Variants in VPS13B observed in about 807,000 individuals in gnomAD.
VPS13B encodes the protein intermembrane lipid transfer protein VPS13B.
A neutral mutation model predicts 426.4 loss-of-function variants in VPS13B; 285 were observed. The ratio of observed to expected loss-of-function variants is 0.67; its 90% confidence interval spans 0.61 to 0.74. The LOEUF is 0.74. VPS13B is among the 30% of genes least tolerant of loss of function. The pLI is 0.00. For synonymous variants in VPS13B, 1,676 were observed against 1,676.4 expected (o/e 1.00, Z 0.01); for missense variants, 4,537 against 4,782.6 (o/e 0.95, Z 1.51).
At chr8:99,224,722 G>A (rs73285938) in intron 17 of VPS13B, among the ~76,000 whole-genome samples, 2,547 of 152,028 alleles carry the variant, frequency 0.017, 65 homozygotes, top group African/African-American at 0.058. Flanking sequence ...TCATGTCTTC[G>A]TATATACATT....
At chr8:99,264,926 A>AT (rs1362718684) in intron 17 of VPS13B, among the ~76,000 whole-genome samples, 4 of 150,194 alleles carry the variant, frequency 2.7e-5, no homozygotes, top group Admixed American at 6.6e-5. Context: ...TTCTCTTTGG[A>AT]TTTTTTGGTT....
chr8:99,090,118 G>A (rs1389885381), intron 3 of VPS13B, among the ~76,000 whole-genome samples: 2 of 151,882 alleles, frequency 1.3e-5, no homozygotes, highest in Non-Finnish European at 2.9e-5. Flanking sequence ...TGAGCGGAGG[G>A]GTCCATTCAG....
intron 3 of VPS13B, chr8:99,093,903 G>C (rs544783151): frequency 6.6e-6 from 1 of 152,026 alleles, no homozygotes; most frequent in African/African-American, 2.4e-5. Flanking sequence ...GGAAGAAGTC[G>C]AATCTCTGAA....
Position 99,875,429 on chromosome 8 carries a change from C to T in VPS13B, c.11757C>T (p.Val3919=), listed in dbSNP as rs757616720. ...TTTTTGGATCCTAGGTAGATGGAGT[C>T]CGAGAGAGACTGTCAGAGCAACAGT... ...RVACDVEVDG[V]RERLSEQQYN... The change falls in exon 62 of 62, where the codon GTC becomes GTT. Residue 3919 remains valine, a synonymous_variant. Transcript: ENST00000357162. The T allele has an allele frequency of 9.3e-6, 15 of 1,614,084 alleles. No individual in the cohort carries two copies. The South Asian group carries it at 1.4e-4, about 15-fold the overall frequency.
At chr8:99,597,765 C>G (rs1054741440) in intron 33 of VPS13B, among the ~76,000 whole-genome samples, 5 of 151,950 alleles carry the variant, frequency 3.3e-5, no homozygotes, top group Non-Finnish European at 5.9e-5. Context: ...CAAAATAAAC[C>G]TAAACAGTTA....
Position 99,491,681 on chromosome 8 carries a change from G to A in VPS13B, c.3870+9879G>A, listed in dbSNP as rs146859120. 8.3e-4 allele frequency among the ~76,000 whole-genome samples: 126 copies of A among 152,184 alleles called. 2 individuals carry two copies. Among genetic ancestry groups the A allele is most frequent in the African/African-American group, 2.7e-3 (112 of 41,520 alleles). On this transcript the variant is annotated intron_variant, in intron 25 of 61. Transcript: ENST00000357162. Reference sequence around the variant, plus strand: ...CTATTGAAGCTTGTGCATGCATCACGTAGTTCTCGTGCTGTGGTTTTCAGC... The same window carrying A: ...CTATTGAAGCTTGTGCATGCATCACATAGTTCTCGTGCTGTGGTTTTCAGC...
intron 34 of VPS13B, among the ~76,000 whole-genome samples, chr8:99,648,798 C>T (rs1292372549): frequency 6.6e-6 from 1 of 152,008 alleles, no homozygotes; most frequent in Non-Finnish European, 1.5e-5. Context: ...TTTTGTATTC[C>T]CAGCCATTTA....
chr8:99,589,474 C>G lies in VPS13B; in HGVS notation c.5220+11841C>G, dbSNP rs1021604006. Among the ~76,000 whole-genome samples the G allele has an allele frequency of 4.0e-5, 6 of 151,518 alleles. 1 individual carries two copies. The highest frequency in any genetic ancestry group is 5.9e-5 in the Non-Finnish European group (4 of 67,984). ...TGCGGTGTTTGGTTTTTTGTCCTTG[C>G]GATAGTTTTCTGAGAATGATGGTTT... On this transcript the variant is annotated intron_variant, in intron 33 of 61. Coordinates refer to ENST00000357162, the MANE Select transcript of VPS13B (RefSeq NM_152564.5).
chr8:99,085,320 A>G (rs992113656), intron 3 of VPS13B, among the ~76,000 whole-genome samples: 5 of 151,996 alleles, frequency 3.3e-5, no homozygotes, highest in Admixed American at 6.6e-5. Flanking sequence ...ATCTTCCTCC[A>G]TCCCTTTATT....
At chr8:99,218,309 TAGA>T (rs1815497905) in intron 17 of VPS13B, among the ~76,000 whole-genome samples, 1 of 152,236 alleles carries the variant, frequency 6.6e-6, no homozygotes, top group Non-Finnish European at 1.5e-5. Flanking sequence ...TGGCCCTTTA[TAGA>T]AGAAGTTTGC....
intron 3 of VPS13B, among the ~76,000 whole-genome samples, chr8:99,065,136 A>G (rs1035819105): frequency 1.3e-5 from 2 of 152,216 alleles, no homozygotes; most frequent in South Asian, 2.1e-4. Context: ...AACAACCGGT[A>G]CCAGCCACTG....
At chr8:99,795,687 C>T (rs1812770407) in intron 43 of VPS13B, among the ~76,000 whole-genome samples, 1 of 152,176 alleles carries the variant, frequency 6.6e-6, no homozygotes, top group African/African-American at 2.4e-5. Context: ...GAGCTGCACT[C>T]CTCTGAAGGC....
At chr8:99,350,639 A>G (rs943956463) in intron 19 of VPS13B, among the ~76,000 whole-genome samples, 2 of 152,218 alleles carry the variant, frequency 1.3e-5, no homozygotes, top group Non-Finnish European at 2.9e-5. Flanking sequence ...AATGAAAAAT[A>G]ATATAGCCAA....
intron 19 of VPS13B, among the ~76,000 whole-genome samples, chr8:99,310,328 A>G (rs537779620): frequency 3.4e-4 from 52 of 152,292 alleles, no homozygotes; most frequent in African/African-American, 1.3e-3. Flanking sequence ...TTTGTCATAA[A>G]TAGCTGTTAT....
At chr8:99,648,255 T>TCAC (rs1829672792) in intron 34 of VPS13B, among the ~76,000 whole-genome samples, 1 of 152,182 alleles carries the variant, frequency 6.6e-6, no homozygotes, top group Non-Finnish European at 1.5e-5. Flanking sequence ...CCATACTTAT[T>TCAC]AAGATTAATT....
chr8:99,192,915 T>C lies in VPS13B; in HGVS notation c.2373T>C (p.Phe791=), dbSNP rs766030903. 6.2e-7 allele frequency: 1 copy of C among 1,613,514 alleles called. No homozygotes were observed. The highest frequency in any genetic ancestry group is 8.5e-7 in the Non-Finnish European group (1 of 1,179,802). ...RSQIAITEGI[F]ELPNLTIQAT... The stretch of plus-strand genomic sequence containing the variant: ...AGATTGCTATAACTGAAGGTATATT[T>C]GAACTTCCAAATCTCACAATTCAAG... The change falls in exon 17 of 62, where the codon TTT becomes TTC. Residue 791 remains phenylalanine (F), a synonymous_variant. Transcript: ENST00000357162.
At chr8:99,269,703 C>T (rs1339781993) in intron 17 of VPS13B, among the ~76,000 whole-genome samples, 2 of 152,134 alleles carry the variant, frequency 1.3e-5, no homozygotes, top group African/African-American at 4.8e-5. Flanking sequence ...TTTCTTTTCA[C>T]AGTTTCTGAG....
chr8:99,279,599 G>A (rs1327886698), intron 19 of VPS13B, among the ~76,000 whole-genome samples: 1 of 152,014 alleles, frequency 6.6e-6, no homozygotes, highest in Non-Finnish European at 1.5e-5. Flanking sequence ...CTCTTCTTAT[G>A]CTATATTTTG....
At chr8:99,046,538 A>C (rs1352270116) in intron 3 of VPS13B, among the ~76,000 whole-genome samples, 3 of 151,952 alleles carry the variant, frequency 2.0e-5, no homozygotes, top group Non-Finnish European at 4.4e-5. Flanking sequence ...GATGCCCTTT[A>C]TTTCTTTCTC....
Sources: allele counts gnomAD v4.1 joint callset (sites outside exome capture counted in the v4.1 genomes callset), GRCh38; gene constraint gnomAD v4.1.1; transcripts MANE v1.5; gene names NCBI Gene and HGNC (gene_info 2026-07-23, HGNC 2026-07-21).